The following D2HGDH variants were observed in gnomAD, a reference collection of about 807,000 sequenced individuals.
The protein encoded by D2HGDH is D-2-hydroxyglutarate dehydrogenase, mitochondrial.
Under a neutral mutation model 46.9 loss-of-function variants are expected in D2HGDH, and 31 were observed. The observed-to-expected ratio is 0.66, with a 90% CI of 0.50 to 0.89. D2HGDH has a LOEUF of 0.89. Among genes scored for constraint, D2HGDH ranks in the 40% least tolerant of loss-of-function variants. D2HGDH has a pLI of 0.00. For synonymous variants in D2HGDH, 364 were observed against 332.6 expected (o/e 1.09, Z -1.03); for missense variants, 698 against 720.8 (o/e 0.97, Z 0.36).
At chr2:241,751,703 A>C (rs1437929753) in intron 8 of D2HGDH, among the ~76,000 whole-genome samples, 1 of 152,222 alleles carries the variant, frequency 6.6e-6, no homozygotes, top group Non-Finnish European at 1.5e-5. Context: ...AGTCAGCGGC[A>C]GCTCCGCATA....
chr2:241,758,423 A>C (rs1052739105), intron 9 of D2HGDH, among the ~76,000 whole-genome samples: 1 of 152,016 alleles, frequency 6.6e-6, no homozygotes, highest in Non-Finnish European at 1.5e-5. Context: ...ATATTGGCAT[A>C]AAGTTGTTCG....
intron 7 of D2HGDH, 26 bp downstream of exon 7, chr2:241,750,320 G>T (rs767867548): frequency 4.0e-5 from 64 of 1,607,684 alleles, no homozygotes; most frequent in Non-Finnish European, 5.3e-5. Flanking sequence ...ACAGGGGGCA[G>T]CTGGTCCTGC....
chr2:241,754,932 A>G (rs1228331784), intron 8 of D2HGDH: 1 of 1,059,682 alleles, frequency 9.4e-7, no homozygotes, highest in African/African-American at 1.7e-5. Flanking sequence ...TCCTGAAATG[A>G]TAGGGTCTCT....
rs1009172190 is a variant in D2HGDH, at chr2:241,743,366, T to G, written c.491-256T>G. On this transcript the variant is annotated intron_variant, in intron 4 of 9. Coordinates refer to ENST00000321264, the MANE Select transcript of D2HGDH (RefSeq NM_152783.5). This position sits in a 1 kb window ranked among gnomAD's most constrained non-coding sequence, Gnocchi z 4.8. ...TTCTACTCCTTTCCACGAGTGTGTGTGGGGGTGGGAAGTTTTTTCCTCTCT... is the reference window on the plus strand; with the variant it reads ...TTCTACTCCTTTCCACGAGTGTGTGGGGGGGTGGGAAGTTTTTTCCTCTCT... 6.6e-6 allele frequency among the ~76,000 whole-genome samples: 1 copy of G among 152,124 alleles called. No homozygotes were observed. The highest frequency in any genetic ancestry group is 1.5e-5 in the Non-Finnish European group (1 of 68,006).
intron 9 of D2HGDH, among the ~76,000 whole-genome samples, chr2:241,757,749 G>A (rs1403247328): frequency 6.6e-6 from 1 of 152,134 alleles, no homozygotes; most frequent in African/African-American, 2.4e-5. Flanking sequence ...CCTGAGGTCA[G>A]GAGTTCGACA....
Position 241,743,597 on chromosome 2 carries a change from G to A in D2HGDH, c.491-25G>A, listed in dbSNP as rs755020800. The A allele has an allele frequency of 1.9e-6, 3 of 1,607,688 alleles. No individual in the cohort carries two copies. The highest frequency in any genetic ancestry group is 1.9e-4 in the Middle Eastern group (1 of 5,346). On this transcript the variant is annotated intron_variant, in intron 4 of 9. Coordinates refer to ENST00000321264, the MANE Select transcript of D2HGDH (RefSeq NM_152783.5). The surrounding 1 kb of genome is among the most constrained non-coding windows in gnomAD (Gnocchi z 4.8). Reference sequence around the variant, plus strand: ...GGGGGCCCACTGGAAGCCAAGTGCTGCGGCAGCCTGGTCACTCTCTGCAGG... The same window carrying A: ...GGGGGCCCACTGGAAGCCAAGTGCTACGGCAGCCTGGTCACTCTCTGCAGG...
chr2:241,756,501 AG>A (rs1381101575), intron 9 of D2HGDH, among the ~76,000 whole-genome samples: 1 of 152,244 alleles, frequency 6.6e-6, no homozygotes, highest in Non-Finnish European at 1.5e-5. Context: ...ATTAATTCAT[AG>A]GAAGAAAATG....
chr2:241,755,465 C>T (rs1195952268), intron 8 of D2HGDH: 1 of 1,318,586 alleles, frequency 7.6e-7, no homozygotes, highest in Non-Finnish European at 1.0e-6. Context: ...CGTGTCATGA[C>T]CTGAAGCTGC....
rs546054652 is a variant in D2HGDH at position 241,762,592 on chromosome 2, G to T, written c.1307-5118G>T. On this transcript the variant is annotated intron_variant, in intron 9 of 9. Transcript: ENST00000321264. The stretch of plus-strand genomic sequence containing the variant: ...CAAACACCGTTTCTCCCCTTCCTCT[G>T]TTCTCCTCTTGGAACTCAGTCCAAG... Among the ~76,000 whole-genome samples the T allele has an allele frequency of 2.6e-5, 4 of 152,232 alleles. No homozygotes were observed. The East Asian group carries it at 7.7e-4, about 29-fold the overall frequency.
Position 241,767,741 on chromosome 2 carries a change from G to A in D2HGDH, c.1338G>A (p.Ala446=), listed in dbSNP as rs757086957. Residue 446 remains alanine (A), a synonymous_variant, in exon 10 of 10, where the codon GCG becomes GCA. Coordinates refer to ENST00000321264, the MANE Select transcript of D2HGDH (RefSeq NM_152783.5). ...GTAACCTGCACCTCAATGTGACGGC[G>A]GAGGCCTTCAGCCCCTCGCTCCTGG... ...GDGNLHLNVT[A]EAFSPSLLAA... 30 of 1,612,748 alleles carry A rather than the reference G, an allele frequency of 1.9e-5. No individual in the cohort carries two copies. The highest frequency in any genetic ancestry group is 2.0e-5 in the Non-Finnish European group (24 of 1,179,594).
At position 241,743,852 on chromosome 2, in the gene D2HGDH, C is replaced by T. The variant is rs778484401; in HGVS notation, c.684+37C>T. On this transcript the variant is annotated intron_variant, in intron 5 of 9. Coordinates refer to ENST00000321264, the MANE Select transcript of D2HGDH (RefSeq NM_152783.5). This position sits in a 1 kb window ranked among gnomAD's most constrained non-coding sequence, Gnocchi z 4.8. ...CAGCTGCTTGGTGCAGAGGTCGCCACGGGGTGTCCTCTCACGGCTCTCATG... is the reference window on the plus strand; with the variant it reads ...CAGCTGCTTGGTGCAGAGGTCGCCATGGGGTGTCCTCTCACGGCTCTCATG... 36 of 1,558,182 alleles carry T rather than the reference C, an allele frequency of 2.3e-5. No homozygotes were observed. The East Asian group carries it at 2.4e-4, about 10-fold the overall frequency.
chr2:241,755,604 T>C, intron 8 of D2HGDH: 1 of 1,509,346 alleles, frequency 6.6e-7, no homozygotes, highest in Non-Finnish European at 8.9e-7. Context: ...TGGGATTGAT[T>C]CCAGGGTTGG....
intron 8 of D2HGDH, among the ~76,000 whole-genome samples, chr2:241,751,605 C>T (rs986938231): frequency 6.6e-6 from 1 of 152,202 alleles, no homozygotes; most frequent in Non-Finnish European, 1.5e-5. Context: ...TACTTCCTCC[C>T]CACCATGACC....
intron 5 of D2HGDH, among the ~76,000 whole-genome samples, chr2:241,744,030 G>A (rs561838554): frequency 2.0e-5 from 3 of 152,306 alleles, no homozygotes; most frequent in Admixed American, 2.0e-4. Context: ...GTGATTTTGT[G>A]TCCACTGCCT....
chr2:241,744,315 TGGCCAGCCA>T (rs1157416093), intron 5 of D2HGDH, among the ~76,000 whole-genome samples: 4 of 152,256 alleles, frequency 2.6e-5, no homozygotes, highest in African/African-American at 9.6e-5. Flanking sequence ...CTTTTTTTTC[TGGCCAGCCA>T]CTGATTATCT....
In D2HGDH at chr2:241,755,232, C is replaced by T. The variant is rs944282431; in HGVS notation, c.1141-617C>T. The stretch of plus-strand genomic sequence containing the variant: ...CCACGGCCCGCCCACCGTGTCCTTC[C>T]CTCCCCCGTGGCCCACCCACCATGT... On this transcript the variant is annotated intron_variant, in intron 8 of 9. Transcript: ENST00000321264. The T allele has an allele frequency of 2.7e-6, 3 of 1,115,576 alleles. No individual in the cohort carries two copies. In the African/African-American group the frequency reaches 4.7e-5, roughly 17 times the overall value. 69.1% of individuals were successfully genotyped at this position (1,115,576 alleles called of 1,614,324 possible).
chr2:241,739,296 A>T (rs1693780481), intron 2 of D2HGDH, among the ~76,000 whole-genome samples: 1 of 152,212 alleles, frequency 6.6e-6, no homozygotes, highest in African/African-American at 2.4e-5. Context: ...ACCCTGCCAC[A>T]GGCGCGTCAC....
chr2:241,764,161 C>G (rs1699072329), intron 9 of D2HGDH, among the ~76,000 whole-genome samples: 1 of 152,038 alleles, frequency 6.6e-6, no homozygotes, highest in Admixed American at 6.5e-5. Context: ...CTGGCCTGAG[C>G]ACGCATCCGT....
Position 241,768,021 on chromosome 2 carries a change from G to T in D2HGDH, c.*52G>T. On this transcript the variant is annotated 3_prime_UTR_variant, in exon 10 of 10. Coordinates refer to ENST00000321264, the MANE Select transcript of D2HGDH (RefSeq NM_152783.5). ...CACTGGGGGTCGGCGGGTGGCTCTC[G>T]GGCGGGGGTGTTGCGGTGGCTCTGA... 1 of 1,530,638 alleles carries T rather than the reference G, an allele frequency of 6.5e-7. No homozygotes were observed. The highest frequency in any genetic ancestry group is 1.2e-5 in the South Asian group (1 of 83,292). 94.8% of individuals were successfully genotyped at this position (1,530,638 alleles called of 1,614,324 possible).
Sources: allele counts gnomAD v4.1 joint callset (sites outside exome capture counted in the v4.1 genomes callset), GRCh38; gene constraint gnomAD v4.1.1; non-coding constraint Gnocchi (gnomAD v3.1); transcripts MANE v1.5; gene names NCBI Gene and HGNC (gene_info 2026-07-23, HGNC 2026-07-21).